Variants in MAP4 observed in about 807,000 individuals in gnomAD.
The protein encoded by MAP4 is microtubule-associated protein 4.
MAP4 carries 76 observed loss-of-function variants against 170.2 expected under a neutral mutation model. The observed-to-expected ratio is 0.45, with a 90% CI of 0.37 to 0.54. The LOEUF is 0.54. Among genes scored for constraint, MAP4 ranks in the 20% least tolerant of loss-of-function variants. The probability of loss-of-function intolerance (pLI) is 0.00; values close to 1 mark genes in which losing one functional copy is unlikely to be tolerated. For missense variants in MAP4, 2,506 were observed against 2,748.0 expected, an observed-to-expected ratio of 0.91 and a Z score of 1.97; for synonymous variants, 909 against 994.5, an observed-to-expected ratio of 0.91 and a Z score of 1.62.
chr3:47,857,882 G>C (rs948106997), intron 17 of MAP4, among the ~76,000 whole-genome samples: 15 of 151,852 alleles, frequency 9.9e-5, no homozygotes, highest in Non-Finnish European at 2.9e-5. Flanking sequence ...CTAATTTTTT[G>C]TATTTTTAGT....
intron 10 of MAP4, among the ~76,000 whole-genome samples, chr3:47,897,768 C>T (rs889144460): frequency 2.0e-5 from 3 of 151,656 alleles, no homozygotes; most frequent in Non-Finnish European, 4.4e-5. Flanking sequence ...GAAACCCTGT[C>T]TCCACTAAAA....
intron 1 of MAP4, among the ~76,000 whole-genome samples, chr3:48,088,522 CCT>C (rs1206378183): frequency 6.6e-6 from 1 of 151,154 alleles, no homozygotes; most frequent in Non-Finnish European, 1.5e-5. Flanking sequence ...AAAAGCTGGA[CCT>C]CTCAGCCCCC....
chr3:48,020,483 CAAG>C (rs1008939974), upstream of MAP4, among the ~76,000 whole-genome samples: 4 of 152,154 alleles, frequency 2.6e-5, no homozygotes, highest in South Asian at 4.1e-4. Context: ...CTTTTCTGAG[CAAG>C]AAGGAGAAGA....
intron 1 of MAP4, among the ~76,000 whole-genome samples, chr3:48,012,637 A>G (rs1182475095): frequency 6.6e-6 from 1 of 152,038 alleles, no homozygotes; most frequent in Non-Finnish European, 1.5e-5. Flanking sequence ...TCTTTCCCCT[A>G]TCCAACCCTC....
At position 47,968,806 on chromosome 3, in the gene MAP4, G is replaced by C. The variant is rs979267584; in HGVS notation, c.292+9059C>G. Among the ~76,000 whole-genome samples, 10 of 151,982 alleles carry C rather than the reference G, an allele frequency of 6.6e-5. No homozygotes were observed. In the East Asian group the frequency reaches 1.7e-3, roughly 26 times the overall value. ...GAAAACTCACCAAAACTGAAAGTTG[G>C]TTCTTTCAAAAGATGAAAAAAATTG... On this transcript the variant is annotated intron_variant, in intron 3 of 20. Transcript: ENST00000683076.
chr3:48,012,758 T>G (rs1343860765), intron 1 of MAP4, among the ~76,000 whole-genome samples: 1 of 152,064 alleles, frequency 6.6e-6, no homozygotes. Context: ...GTAAAACTGA[T>G]AGAAAATTAT....
In MAP4 at chr3:47,852,717, T is replaced by C; in HGVS notation, c.*217A>G. On this transcript the variant is annotated 3_prime_UTR_variant, in exon 21 of 21. Transcript: ENST00000683076. ...AGGAGGTGTGGGGCAGGGCTGCTGC[T>C]GCCCCGGGCACGCAAAGCAGGAGGG... 1.1e-5 allele frequency: 16 copies of C among 1,510,164 alleles called. No individual in the cohort carries two copies. The highest frequency in any genetic ancestry group is 5.0e-5 in the South Asian group (4 of 79,414). The allele number at this position is 1,510,164 out of a possible 1,614,324, so 93.5% of individuals were successfully genotyped here. A position where few individuals can be genotyped will look rare whatever the true frequency, so the allele number is the denominator to read the frequency against.
Position 47,968,025 on chromosome 3 carries a change from T to C in MAP4, c.292+9840A>G, listed in dbSNP as rs370704831. On this transcript the variant is annotated intron_variant, in intron 3 of 20. Transcript: ENST00000683076. ...CAACTGCTGCTTCTGAGGCTCATAGTTGTAGCGATCATTTGTGTGTATCTT... is the reference window on the plus strand; with the variant it reads ...CAACTGCTGCTTCTGAGGCTCATAGCTGTAGCGATCATTTGTGTGTATCTT... 2.6e-4 allele frequency among the ~76,000 whole-genome samples: 39 copies of C among 152,318 alleles called. No homozygotes were observed. In the East Asian group the frequency reaches 5.4e-3, roughly 21 times the overall value.
chr3:48,042,234 T>C (rs549745368), intron 1 of MAP4, among the ~76,000 whole-genome samples: 4 of 152,316 alleles, frequency 2.6e-5, no homozygotes, highest in East Asian at 3.9e-4. Context: ...ACCTGTGGAA[T>C]CTTGATGCTA....
At chr3:47,884,232 A>G (rs1310031988) in intron 10 of MAP4, among the ~76,000 whole-genome samples, 1 of 152,152 alleles carries the variant, frequency 6.6e-6, no homozygotes, top group African/African-American at 2.4e-5. Flanking sequence ...TCTGTCCTCA[A>G]CGTCACTGAT....
At chr3:47,972,607 C>T (rs1388833175) in intron 3 of MAP4, among the ~76,000 whole-genome samples, 1 of 152,166 alleles carries the variant, frequency 6.6e-6, no homozygotes, top group African/African-American at 2.4e-5. Flanking sequence ...CATAAGTGGG[C>T]TGGGCGCGGT....
Position 47,855,147 on chromosome 3 carries a change from A to G in MAP4, c.6696+101T>C. 1 of 759,830 alleles carries G rather than the reference A, an allele frequency of 1.3e-6. No individual in the cohort carries two copies. Among genetic ancestry groups the G allele is most frequent in the Non-Finnish European group, 2.4e-6 (1 of 423,662 alleles). 47.1% of individuals were successfully genotyped at this position (759,830 alleles called of 1,614,324 possible). A position where few individuals can be genotyped will look rare whatever the true frequency, so the allele number is the denominator to read the frequency against. On this transcript the variant is annotated intron_variant, in intron 19 of 20. Transcript: ENST00000683076. The surrounding 1 kb of genome is among the most constrained non-coding windows in gnomAD (Gnocchi z 5.1). ...GGGTGAAGACATGACTCCTGAAGAG[A>G]CTGAGGGGCGGTGACAGGTGCCTAC...
At chr3:47,940,926 G>A (rs1346143635) in intron 3 of MAP4, among the ~76,000 whole-genome samples, 1 of 151,984 alleles carries the variant, frequency 6.6e-6, no homozygotes, top group Non-Finnish European at 1.5e-5. Context: ...TGCCCAGGCT[G>A]GAGTGCAATG....
intron 2 of MAP4, among the ~76,000 whole-genome samples, chr3:47,978,700 T>C (rs1199251222): frequency 6.6e-6 from 1 of 151,652 alleles, no homozygotes; most frequent in African/African-American, 2.4e-5. Context: ...TGCATGGAGG[T>C]AACCAGCTGT....
chr3:47,986,342 G>T (rs7431567), intron 2 of MAP4, among the ~76,000 whole-genome samples: 112,202 of 151,598 alleles, frequency 0.74, 41,989 homozygotes, highest in African/African-American at 0.87. Flanking sequence ...TTTTTGGGGG[G>T]TTTTTTTGTA....
chr3:47,958,908 T>C (rs1559604267), intron 3 of MAP4, among the ~76,000 whole-genome samples: 1 of 152,064 alleles, frequency 6.6e-6, no homozygotes, highest in African/African-American at 2.4e-5. Flanking sequence ...GGTCTTGATC[T>C]CTTGACCTCG....
chr3:47,852,586 AC>A lies in MAP4; in HGVS notation c.*347del. 4 of 644,408 alleles carry A rather than the reference AC, an allele frequency of 6.2e-6. No individual in the cohort carries two copies. In the South Asian group the frequency reaches 8.9e-5, roughly 14 times the overall value. The allele number at this position is 644,408 out of a possible 1,614,324, so 39.9% of individuals were successfully genotyped here. A position where few individuals can be genotyped will look rare whatever the true frequency, so the allele number is the denominator to read the frequency against. On this transcript the variant is annotated 3_prime_UTR_variant, in exon 21 of 21. Transcript: ENST00000683076. ...TCTGGTTCTCCTCTCCTAGATCCCAACTTAGCCTCAACCACCCCAACCCCCT... is the reference window on the plus strand; with the variant it reads ...TCTGGTTCTCCTCTCCTAGATCCCAATTAGCCTCAACCACCCCAACCCCCT...
chr3:47,892,771 G>A (rs775513512), intron 10 of MAP4: 38 of 1,249,772 alleles, frequency 3.0e-5, no homozygotes, highest in African/African-American at 7.7e-5. Flanking sequence ...GTAATTTCCC[G>A]TGAACTAGCA....
chr3:47,947,223 C>A (rs990441359), intron 3 of MAP4, among the ~76,000 whole-genome samples: 2 of 152,144 alleles, frequency 1.3e-5, no homozygotes, highest in African/African-American at 4.8e-5. Flanking sequence ...CAGATTCTGA[C>A]AGATTTCTTC....
Sources: allele counts gnomAD v4.1 joint callset (sites outside exome capture counted in the v4.1 genomes callset), GRCh38; gene constraint gnomAD v4.1.1; non-coding constraint Gnocchi (gnomAD v3.1); transcripts MANE v1.5; gene names NCBI Gene and HGNC (gene_info 2026-07-23, HGNC 2026-07-21).